Variants in TTLL5 observed in about 807,000 individuals in gnomAD.
The protein encoded by TTLL5 is tubulin tyrosine ligase like 5.
TTLL5 carries 132 observed loss-of-function variants against 168.4 expected under a neutral mutation model. The ratio of observed to expected loss-of-function variants is 0.78; its 90% CI spans 0.68 to 0.91. The LOEUF (loss-of-function observed/expected upper bound fraction) is 0.91. Among genes scored for constraint, TTLL5 ranks in the 40% least tolerant of loss-of-function variants. The pLI is 0.00. For synonymous variants in TTLL5, 546 were observed against 558.6 expected (o/e 0.98, Z 0.32); for missense variants, 1,545 against 1,581.5 (o/e 0.98, Z 0.39).
Position 75,764,406 on chromosome 14 carries a change from AT to A in TTLL5, c.1551-202del, listed in dbSNP as rs896495597. Among the ~76,000 whole-genome samples the A allele has an allele frequency of 2.6e-5, 4 of 152,282 alleles. No individual in the cohort carries two copies. The East Asian group carries it at 5.8e-4, about 22-fold the overall frequency. ...TCTTAAACATTGTCTTTAGCTGCAT[AT>A]TTTTTTAGAACATTTAATAAATTCA... is the stretch of plus-strand genomic sequence containing the variant. On this transcript the variant is annotated intron_variant, in intron 18 of 31. Transcript: ENST00000298832.
chr14:75,668,647 T>G (rs1883483380), intron 2 of TTLL5, among the ~76,000 whole-genome samples: 1 of 152,216 alleles, frequency 6.6e-6, no homozygotes, highest in South Asian at 2.1e-4. Flanking sequence ...AAAATATATA[T>G]TGTTCCATTT....
chr14:75,737,235 C>A (rs577631502), intron 15 of TTLL5, among the ~76,000 whole-genome samples: 1 of 152,308 alleles, frequency 6.6e-6, no homozygotes, highest in Admixed American at 6.5e-5. Context: ...AGGACACTTA[C>A]ATAAAGGCTA....
At chr14:75,669,879 A>G (rs1883589202) in intron 3 of TTLL5, among the ~76,000 whole-genome samples, 1 of 152,140 alleles carries the variant, frequency 6.6e-6, no homozygotes, top group Non-Finnish European at 1.5e-5. Context: ...ATCATCTCCA[A>G]AGTACAGCCA....
chr14:75,946,329 A>G (rs777860747), intron 31 of TTLL5, among the ~76,000 whole-genome samples: 9 of 152,268 alleles, frequency 5.9e-5, no homozygotes, highest in Non-Finnish European at 1.0e-4. Context: ...TTACCTTTAT[A>G]TAGTTAACAT....
intron 28 of TTLL5, among the ~76,000 whole-genome samples, chr14:75,824,383 T>C (rs973918956): frequency 2.0e-5 from 3 of 151,102 alleles, no homozygotes; most frequent in African/African-American, 7.3e-5. Flanking sequence ...TTTTATGGGA[T>C]AGACAATTTG....
chr14:75,817,669 C>G (rs1165275180), intron 27 of TTLL5, among the ~76,000 whole-genome samples: 3 of 152,004 alleles, frequency 2.0e-5, no homozygotes, highest in African/African-American at 7.2e-5. Context: ...AAACATTTGC[C>G]TTGGAATTAA....
chr14:75,683,752 G>T (rs1884805771), intron 5 of TTLL5, 96 bp downstream of exon 5: 10 of 882,756 alleles, frequency 1.1e-5, no homozygotes, highest in Non-Finnish European at 1.8e-5. Context: ...AGAAGAGGAA[G>T]ATGAAAATGA....
chr14:75,952,855 G>A (rs542383819), intron 31 of TTLL5, among the ~76,000 whole-genome samples: 45 of 152,324 alleles, frequency 3.0e-4, no homozygotes, highest in African/African-American at 1.0e-3. Context: ...GCCTATAGCT[G>A]AGGGATGAGA....
chr14:75,805,185 T>C (rs1344976562), intron 27 of TTLL5, among the ~76,000 whole-genome samples: 2 of 152,228 alleles, frequency 1.3e-5, no homozygotes, highest in African/African-American at 2.4e-5. Flanking sequence ...ATCTTCTTCC[T>C]TTAGCATGTG....
At chr14:75,756,656 T>C (rs1890281108) in intron 18 of TTLL5, among the ~76,000 whole-genome samples, 1 of 151,306 alleles carries the variant, frequency 6.6e-6, no homozygotes, top group African/African-American at 2.4e-5. Flanking sequence ...TATGGGCCCA[T>C]GACACCACAC....
intron 9 of TTLL5, chr14:75,709,277 A>G (rs913669421): frequency 4.0e-6 from 3 of 742,364 alleles, no homozygotes; most frequent in Non-Finnish European, 7.4e-6. Context: ...GACAACTATT[A>G]TTTTAGAATG....
chr14:75,693,518 A>T (rs1318350338), intron 6 of TTLL5, among the ~76,000 whole-genome samples: 2 of 152,182 alleles, frequency 1.3e-5, no homozygotes, highest in Non-Finnish European at 2.9e-5. Context: ...CAGTAATTTG[A>T]GTGTAGTGGT....
chr14:75,685,954 C>T (rs1367589157), intron 5 of TTLL5, among the ~76,000 whole-genome samples: 3 of 151,992 alleles, frequency 2.0e-5, no homozygotes, highest in Non-Finnish European at 4.4e-5. Context: ...GAGGTGAGAC[C>T]CAGGAACATG....
At chr14:75,813,899 A>G (rs1202829352) in intron 27 of TTLL5, among the ~76,000 whole-genome samples, 1 of 152,102 alleles carries the variant, frequency 6.6e-6, no homozygotes, top group African/African-American at 2.4e-5. Context: ...GTGACCAATA[A>G]CATGAATTCG....
At chr14:75,878,515 C>T (rs2031625530) in intron 29 of TTLL5, among the ~76,000 whole-genome samples, 1 of 152,216 alleles carries the variant, frequency 6.6e-6, no homozygotes. Context: ...CCAAAAACTG[C>T]ACCCAGAAAC....
At chr14:75,708,485 C>T (rs1195210769) in intron 9 of TTLL5, among the ~76,000 whole-genome samples, 1 of 152,020 alleles carries the variant, frequency 6.6e-6, no homozygotes, top group African/African-American at 2.4e-5. Flanking sequence ...CCCACCATGC[C>T]TGGCTAATGT....
At chr14:75,668,435 T>C (rs1233270587) in intron 2 of TTLL5, among the ~76,000 whole-genome samples, 1 of 152,200 alleles carries the variant, frequency 6.6e-6, no homozygotes, top group Non-Finnish European at 1.5e-5. Flanking sequence ...TGAGAGCTCT[T>C]AGTTTAAATC....
chr14:75,696,508 A>G (rs547486426), intron 6 of TTLL5, among the ~76,000 whole-genome samples: 48 of 152,366 alleles, frequency 3.2e-4, no homozygotes, highest in African/African-American at 1.1e-3. Context: ...TGAAAAAAAT[A>G]TATAAACTGA....
At chr14:75,745,776 T>C (rs1045286328) in intron 17 of TTLL5, among the ~76,000 whole-genome samples, 195 bp downstream of exon 17, 1 of 152,184 alleles carries the variant, frequency 6.6e-6, no homozygotes, top group African/African-American at 2.4e-5. Context: ...TTTCTCCCTT[T>C]TAATCCTCTG....
Sources: gnomAD v4.1 joint callset for allele counts (sites outside exome capture counted in the v4.1 genomes callset) on GRCh38, gnomAD v4.1.1 for gene constraint, MANE v1.5 for transcripts, NCBI Gene and HGNC (gene_info 2026-07-23, HGNC 2026-07-21) for gene names.